The following SLC25A10 variants were observed in gnomAD, a reference collection of about 807,000 sequenced individuals.
SLC25A10 encodes the protein solute carrier family 25 member 10, also known as mitochondrial dicarboxylate carrier.
In SLC25A10, 32 loss-of-function variants were observed where a neutral mutation model predicts 40.4. That is an observed-to-expected ratio of 0.79 (90% CI 0.60 to 1.06). SLC25A10 has a LOEUF of 1.06. SLC25A10 is among the 50% of genes least tolerant of loss of function. The pLI, the probability that SLC25A10 is intolerant of heterozygous loss-of-function variation, is 0.00. For synonymous variants in SLC25A10, 181 were observed against 171.1 expected (o/e 1.06, Z -0.45); for missense variants, 394 against 402.6 (o/e 0.98, Z 0.18).
intron 7 of SLC25A10, 54 bp downstream of exon 7, chr17:81,717,126 A>T: frequency 4.5e-6 from 7 of 1,565,752 alleles, no homozygotes; most frequent in Non-Finnish European, 6.2e-6. Flanking sequence ...ACTGACCTCC[A>T]TCTTCAGAGG....
chr17:81,720,271 C>T lies in SLC25A10; in HGVS notation c.*194C>T, dbSNP rs1004826711. The stretch of plus-strand genomic sequence containing the variant: ...CGTCCCCTCTCAGCTGTAGCTGCAC[C>T]ACCCCCGCTCTGGCTACCAGGCTCT... On this transcript the variant is annotated 3_prime_UTR_variant, in exon 11 of 11. Coordinates refer to ENST00000350690, the MANE Select transcript of SLC25A10 (RefSeq NM_012140.5). 13 of 1,439,008 alleles carry T rather than the reference C, an allele frequency of 9.0e-6. No homozygotes were observed. The highest frequency in any genetic ancestry group is 1.2e-5 in the Non-Finnish European group (13 of 1,102,446). 89.1% of individuals were successfully genotyped at this position (1,439,008 alleles called of 1,614,324 possible).
chr17:81,720,833 T>G lies in SLC25A10; in HGVS notation c.*756T>G. ...CCTCGGGCACCTGGGCCCCCCCGCT[T>G]GGCTCCCTGGGGGAATGGCCCAGGC... On this transcript the variant is annotated 3_prime_UTR_variant, in exon 11 of 11. Transcript: ENST00000350690. The G allele has an allele frequency of 9.3e-6, 2 of 215,852 alleles. No individual in the cohort carries two copies. Among genetic ancestry groups the G allele is most frequent in the Non-Finnish European group, 1.8e-5 (2 of 109,624 alleles). The allele number at this position is 215,852 out of a possible 1,614,324, so 13.4% of individuals were successfully genotyped here. A position where few individuals can be genotyped will look rare whatever the true frequency, so the allele number is the denominator to read the frequency against.
At chr17:81,716,086 T>C in intron 5 of SLC25A10, 36 bp downstream of exon 5, 1 of 1,577,140 alleles carries the variant, frequency 6.3e-7, no homozygotes, top group Non-Finnish European at 8.6e-7. Context: ...GTGGTTGAGG[T>C]GCAGGAGGCT....
chr17:81,714,174 C>T lies in SLC25A10; in HGVS notation c.94-779C>T, dbSNP rs116271156. Among the ~76,000 whole-genome samples, 1,429 of 152,310 alleles carry T rather than the reference C, an allele frequency of 9.4e-3. 22 individuals carry two copies. Among genetic ancestry groups the T allele is most frequent in the African/African-American group, 0.031 (1,282 of 41,568 alleles). ...CCGCGCACGTGCAGGTCACACTGAG[C>T]GGCGGAAGGACTTCTTTGGGGTCAG... On this transcript the variant is annotated intron_variant, in intron 1 of 10. Transcript: ENST00000350690.
chr17:81,716,905 T>G (rs1598213158), intron 6 of SLC25A10, 50 bp downstream of exon 6: 2 of 1,571,366 alleles, frequency 1.3e-6, no homozygotes, highest in Non-Finnish European at 1.7e-6. Flanking sequence ...GCAGGCAGGG[T>G]GGGCAGCGCT....
At chr17:81,712,592 C>G in intron 1 of SLC25A10, 73 bp downstream of exon 1, 4 of 1,070,524 alleles carry the variant, frequency 3.7e-6, no homozygotes, top group Non-Finnish European at 4.7e-6. Context: ...GGCAGCAGCC[C>G]GGCCCCACGC....
rs377246058 is a variant in SLC25A10, at chr17:81,712,372, C to T, written c.-55C>T. On this transcript the variant is annotated 5_prime_UTR_variant, in exon 1 of 11. Coordinates refer to ENST00000350690, the MANE Select transcript of SLC25A10 (RefSeq NM_012140.5). ...GCGGGGCGCTGCGGCCGGTACACGC[C>T]GGGGTAGGGCCGGGGTCGGGTTGTG... 4.4e-6 allele frequency: 5 copies of T among 1,136,910 alleles called. No individual in the cohort carries two copies. The highest frequency in any genetic ancestry group is 3.4e-5 in the East Asian group (1 of 29,402). 70.4% of individuals were successfully genotyped at this position (1,136,910 alleles called of 1,614,324 possible).
rs540386953 is a variant in SLC25A10, at chr17:81,720,584, C to T, written c.*507C>T. On this transcript the variant is annotated 3_prime_UTR_variant, in exon 11 of 11. Coordinates refer to ENST00000350690, the MANE Select transcript of SLC25A10 (RefSeq NM_012140.5). ...GTCCTCGGGCAGCTGCAACTCCCCG[C>T]GAGACCCCGCAGCTGGGTGGGATGA... 26 of 1,186,078 alleles carry T rather than the reference C, an allele frequency of 2.2e-5. No homozygotes were observed. Among genetic ancestry groups the T allele is most frequent in the Middle Eastern group, 3.1e-4 (1 of 3,208 alleles). The allele number at this position is 1,186,078 out of a possible 1,614,324, so 73.5% of individuals were successfully genotyped here.
intron 1 of SLC25A10, among the ~76,000 whole-genome samples, chr17:81,712,839 G>A (rs1383829292): frequency 6.6e-6 from 1 of 152,260 alleles, no homozygotes; most frequent in Non-Finnish European, 1.5e-5. Flanking sequence ...GCCTCTCTGA[G>A]CCACCCACCC....
rs2037562546 is a variant in SLC25A10 at position 81,720,044 on chromosome 17, A to G, written c.831A>G (p.Leu277=). 2 of 1,613,446 alleles carry G rather than the reference A, an allele frequency of 1.2e-6. No homozygotes were observed. The highest frequency in any genetic ancestry group is 2.7e-5 in the African/African-American group (2 of 74,936). The change falls in exon 11 of 11, where the codon CTA becomes CTG. Residue 277 remains leucine, a synonymous_variant. Transcript: ENST00000350690. The part of the protein sequence containing the change: ...TVLTFVFLEQ[L]RKNFGIKVPS ...TCACTTTTGTGTTTCTGGAACAGCT[A>G]CGCAAAAACTTTGGCATCAAAGTGC... is the stretch of plus-strand genomic sequence containing the variant.
rs1298197026 is a variant in SLC25A10 at position 81,712,497 on chromosome 17, C to T, written c.71C>T (p.Thr24Met). 2 of 1,301,874 alleles carry T rather than the reference C, an allele frequency of 1.5e-6. No homozygotes were observed. Among genetic ancestry groups the T allele is most frequent in the South Asian group, 2.3e-5 (1 of 43,474 alleles). The allele number at this position is 1,301,874 out of a possible 1,614,324, so 80.6% of individuals were successfully genotyped here. A position where few individuals can be genotyped will look rare whatever the true frequency, so the allele number is the denominator to read the frequency against. The change falls in exon 1 of 11, where the codon ACG becomes ATG. Residue 24 changes from threonine to methionine, a missense_variant. Transcript: ENST00000350690. The part of the protein sequence containing the change: ...GLASCGAACC[T>M]HPLDLLKVHL... ...GCCTCCTGCGGGGCCGCCTGCTGCA[C>T]GCACCCGCTGGACCTGCTCAAGGTG...
intron 9 of SLC25A10, among the ~76,000 whole-genome samples, chr17:81,718,158 C>T (rs1568231949): frequency 6.6e-6 from 1 of 152,128 alleles, no homozygotes; most frequent in South Asian, 2.1e-4. Context: ...CCAGCCTGGG[C>T]AACATACTGA....
chr17:81,713,812 A>G (rs906231028), intron 1 of SLC25A10, among the ~76,000 whole-genome samples: 4 of 152,104 alleles, frequency 2.6e-5, no homozygotes, highest in Admixed American at 6.5e-5. Flanking sequence ...CTCCCCAACC[A>G]GGCGCTCTCT....
chr17:81,712,666 A>C (rs945092944), intron 1 of SLC25A10, 147 bp downstream of exon 1: 4 of 535,914 alleles, frequency 7.5e-6, no homozygotes, highest in Admixed American at 4.5e-5. Flanking sequence ...CGACGCCCGG[A>C]TGGCCGATCC....
intron 8 of SLC25A10, 140 bp from the exon 9 acceptor site, chr17:81,717,644 C>T (rs2037514330): frequency 2.3e-6 from 3 of 1,284,288 alleles, no homozygotes; most frequent in South Asian, 1.3e-5. Context: ...GCTTTGGGAG[C>T]TCATGGGTCA....
At chr17:81,718,752 G>T (rs988261332) in intron 9 of SLC25A10, among the ~76,000 whole-genome samples, 6 of 151,230 alleles carry the variant, frequency 4.0e-5, no homozygotes, top group Non-Finnish European at 7.4e-5. Flanking sequence ...TTGGAGACCA[G>T]CCTGACCAAC....
chr17:81,717,082 C>A lies in SLC25A10; in HGVS notation c.534+10C>A, dbSNP rs1190012030. ...AGTCACTGTGGGCCAGGTAGGCCTC[C>A]TGCGTGGGGTGGGTGTGGGCAGTGC... On this transcript the variant is annotated intron_variant, in intron 7 of 10. Transcript: ENST00000350690. The A allele has an allele frequency of 5.6e-6, 9 of 1,613,304 alleles. No homozygotes were observed. The highest frequency in any genetic ancestry group is 6.8e-6 in the Non-Finnish European group (8 of 1,179,678).
Position 81,717,398 on chromosome 17 carries a change from G to A in SLC25A10, c.535-1G>A, listed in dbSNP as rs1225429083. 1 of 1,613,156 alleles carries A rather than the reference G, an allele frequency of 6.2e-7. No homozygotes were observed. Among genetic ancestry groups the A allele is most frequent in the South Asian group, 1.1e-5 (1 of 91,088 alleles). On this transcript the variant is annotated splice_acceptor_variant, in intron 7 of 10. Transcript: ENST00000350690. LOFTEE classifies it high-confidence loss of function. ...CCCTGACCGCCCTTGTGCCCCTGCA[G>A]CTGTCCTGCTACGACCAGGCCAAGC...
intron 4 of SLC25A10, 36 bp downstream of exon 4, chr17:81,715,777 GCTTT>G: frequency 2.5e-6 from 4 of 1,612,152 alleles, no homozygotes; most frequent in Non-Finnish European, 3.4e-6. Context: ...AAGGCCAGGG[GCTTT>G]CTTGTCCCCA....
Sources: allele counts gnomAD v4.1 joint callset (sites outside exome capture counted in the v4.1 genomes callset), GRCh38; gene constraint gnomAD v4.1.1; transcripts MANE v1.5; gene names NCBI Gene and HGNC (gene_info 2026-07-23, HGNC 2026-07-21).